NEK10: variants seen among roughly 807,000 people sequenced by gnomAD.
NEK10 encodes the protein serine/threonine-protein kinase Nek10.
A neutral mutation model predicts 159.8 loss-of-function variants in NEK10; 122 were observed. The observed-to-expected ratio is 0.76, with a 90% CI of 0.66 to 0.89. The LOEUF is 0.89. NEK10 is among the 40% of genes least tolerant of loss of function. The pLI is 0.00. For missense variants in NEK10, 1,342 were observed against 1,323.1 expected (o/e 1.01, Z -0.22); for synonymous variants, 466 against 457.1 (o/e 1.02, Z -0.25).
intron 5 of NEK10, among the ~76,000 whole-genome samples, chr3:27,336,378 T>C (rs962653218): frequency 6.6e-6 from 1 of 152,042 alleles, no homozygotes; most frequent in African/African-American, 2.4e-5. Flanking sequence ...ATGAAAAGCC[T>C]AGGACTGGTG....
rs556400970 is a variant in NEK10, at chr3:27,143,167, C to A, written c.2870-1585G>T. ...AGTAGTGCTTCTTGGAGAAATAATTCTTAAAATGTAACTGTTCGTCTAGAC... is the reference window on the plus strand; with the variant it reads ...AGTAGTGCTTCTTGGAGAAATAATTATTAAAATGTAACTGTTCGTCTAGAC... On this transcript the variant is annotated intron_variant, in intron 30 of 35. Transcript: ENST00000691995. 3.9e-5 allele frequency among the ~76,000 whole-genome samples: 6 copies of A among 152,256 alleles called. No individual in the cohort carries two copies. The South Asian group carries it at 1.2e-3, about 32-fold the overall frequency.
intron 22 of NEK10, among the ~76,000 whole-genome samples, chr3:27,275,730 T>C (rs1156876216): frequency 2.0e-5 from 3 of 152,158 alleles, no homozygotes. Flanking sequence ...AGAAATGCAA[T>C]ACTAACTCTT....
intron 30 of NEK10, among the ~76,000 whole-genome samples, chr3:27,147,463 G>T (rs1378751601): frequency 6.6e-6 from 1 of 152,208 alleles, no homozygotes; most frequent in African/African-American, 2.4e-5. Context: ...TCACAGAATG[G>T]CAGGAAGCTG....
intron 23 of NEK10, among the ~76,000 whole-genome samples, chr3:27,247,192 G>A (rs1265359598): frequency 1.3e-5 from 2 of 152,142 alleles, no homozygotes; most frequent in Non-Finnish European, 2.9e-5. Context: ...TAACATCCCT[G>A]TCATGTTCTA....
At chr3:27,180,662 G>GTTCTT (rs1947992355) in intron 26 of NEK10, among the ~76,000 whole-genome samples, 1 of 152,140 alleles carries the variant, frequency 6.6e-6, no homozygotes, top group Non-Finnish European at 1.5e-5. Context: ...AGTTACATAA[G>GTTCTT]GAAAGGTCTA....
intron 6 of NEK10, among the ~76,000 whole-genome samples, chr3:27,316,931 A>C (rs1467642940): frequency 6.6e-6 from 1 of 152,212 alleles, no homozygotes; most frequent in East Asian, 1.9e-4. Flanking sequence ...TAAGTCTCTA[A>C]AAGAAGAACT....
intron 32 of NEK10, among the ~76,000 whole-genome samples, chr3:27,123,033 C>T (rs1470343020): frequency 1.3e-5 from 2 of 152,138 alleles, no homozygotes; most frequent in Non-Finnish European, 2.9e-5. Flanking sequence ...CTAGGAACTT[C>T]CCAGAACTAC....
At chr3:27,288,338 G>A (rs1010352916) in intron 19 of NEK10, among the ~76,000 whole-genome samples, 2 of 152,158 alleles carry the variant, frequency 1.3e-5, no homozygotes, top group African/African-American at 4.8e-5. Context: ...AGTCCTCTTC[G>A]TGACTAGGCC....
intron 23 of NEK10, among the ~76,000 whole-genome samples, chr3:27,217,597 G>A (rs531757075): frequency 5.7e-4 from 87 of 152,142 alleles, no homozygotes; most frequent in Non-Finnish European, 1.1e-3. Flanking sequence ...TCCAACATGA[G>A]ATTTGGGTGG....
chr3:27,250,919 G>C (rs529496111), intron 23 of NEK10, among the ~76,000 whole-genome samples: 1 of 152,204 alleles, frequency 6.6e-6, no homozygotes, highest in East Asian at 1.9e-4. Flanking sequence ...AATCCGCCTA[G>C]TGTTCTATAA....
At chr3:27,265,474 T>C (rs2040809881) in intron 22 of NEK10, 1 of 152,258 alleles carries the variant, frequency 6.6e-6, no homozygotes, top group South Asian at 2.1e-4. Flanking sequence ...GCCATTCTAA[T>C]AGGTACATAG....
At chr3:27,226,907 G>T (rs7626742) in intron 23 of NEK10, among the ~76,000 whole-genome samples, 96,845 of 152,018 alleles carry the variant, frequency 0.64, 33,182 homozygotes, top group African/African-American at 0.91. Context: ...CATATGTATA[G>T]AATAACTAAC....
At chr3:27,193,009 C>G (rs1409817701) in intron 25 of NEK10, among the ~76,000 whole-genome samples, 2 of 152,212 alleles carry the variant, frequency 1.3e-5, no homozygotes, top group Non-Finnish European at 2.9e-5. Flanking sequence ...TTCTAAGACT[C>G]AGATAGCCCA....
intron 1 of NEK10, among the ~76,000 whole-genome samples, chr3:27,353,859 G>T (rs979780647): frequency 2.0e-5 from 3 of 152,108 alleles, no homozygotes; most frequent in Non-Finnish European, 2.9e-5. Flanking sequence ...AAACATGTTT[G>T]TGAGGTGTTC....
In NEK10 at chr3:27,352,493, A is replaced by C. The variant is rs1559548990; in HGVS notation, c.104T>G (p.Leu35Arg). 4 of 1,611,244 alleles carry C rather than the reference A, an allele frequency of 2.5e-6. No homozygotes were observed. Among genetic ancestry groups the C allele is most frequent in the Non-Finnish European group, 2.5e-6 (3 of 1,177,656 alleles). Residue 35 changes from leucine to arginine, a missense_variant, in exon 3 of 36, where the codon CTT becomes CGT. Coordinates refer to ENST00000691995, the MANE Select transcript of NEK10 (RefSeq NM_001394966.1). ...DYSDLKRLRC[L>R]LNVQSSKQQL... is the part of the protein sequence containing the mutation. ...TTGTTTGCTTGATTGGACGTTCAAA[A>C]GGCACCGAAGTCTTTTAAGATCTGA...
intron 6 of NEK10, among the ~76,000 whole-genome samples, chr3:27,320,013 C>A (rs924061321): frequency 8.5e-5 from 13 of 152,282 alleles, no homozygotes; most frequent in Admixed American, 7.8e-4. Context: ...TAGTAAACCC[C>A]AGCATAGCTT....
chr3:27,139,435 A>T (rs763983416), intron 31 of NEK10, among the ~76,000 whole-genome samples: 1 of 152,194 alleles, frequency 6.6e-6, no homozygotes, highest in Non-Finnish European at 1.5e-5. Context: ...TTTCAATATG[A>T]TCCAGGGGAA....
chr3:27,341,596 A>T (rs1320814749), intron 5 of NEK10, among the ~76,000 whole-genome samples: 1 of 152,074 alleles, frequency 6.6e-6, no homozygotes, highest in Non-Finnish European at 1.5e-5. Context: ...GTCCTTTGAG[A>T]TTTACTGTGA....
intron 5 of NEK10, among the ~76,000 whole-genome samples, chr3:27,331,262 A>AAAAAAAACAC: frequency 4.5e-5 from 5 of 110,078 alleles, no homozygotes; most frequent in Non-Finnish European, 7.8e-5. Flanking sequence ...AAAAAAAAAA[A>AAAAAAAACAC]ACACACAAAC....
Sources: allele counts gnomAD v4.1 joint callset (sites outside exome capture counted in the v4.1 genomes callset), GRCh38; gene constraint gnomAD v4.1.1; transcripts MANE v1.5; gene names NCBI Gene and HGNC (gene_info 2026-07-23, HGNC 2026-07-21).